Variants in CREBRF observed in about 807,000 individuals in gnomAD.
CREBRF encodes CREB3 regulatory factor.
CREBRF carries 5 observed loss-of-function variants against 66.1 expected under a neutral mutation model. The observed-to-expected ratio is 0.08, with a 90% CI of 0.04 to 0.16. The LOEUF (loss-of-function observed/expected upper bound fraction) is 0.16, where lower values mean the gene tolerates loss of function less well. Ranked by LOEUF, CREBRF falls within the 10% of genes least tolerant of loss-of-function variation. The probability of loss-of-function intolerance (pLI) is 1.00; values close to 1 mark genes in which losing one functional copy is unlikely to be tolerated. For missense variants in CREBRF, 531 were observed against 744.9 expected (o/e 0.71, Z 3.34); for synonymous variants, 229 against 264.4 (o/e 0.87, Z 1.30).
At chr5:173,113,458 G>T (rs559846496) in intron 7 of CREBRF, among the ~76,000 whole-genome samples, 1 of 151,916 alleles carries the variant, frequency 6.6e-6, no homozygotes, top group Non-Finnish European at 1.5e-5. Flanking sequence ...ACAGGCCCAC[G>T]CACCACACCT....
chr5:173,125,037 G>A (rs1759237821), intron 8 of CREBRF, among the ~76,000 whole-genome samples: 1 of 150,754 alleles, frequency 6.6e-6, no homozygotes, highest in South Asian at 2.1e-4. Context: ...TCCTGCCTCA[G>A]CCTCCTGAGT....
rs752020732 is a variant in CREBRF, at chr5:173,067,875, C to A, written c.-192+11396C>A. Among the ~76,000 whole-genome samples, 15 of 152,024 alleles carry A rather than the reference C, an allele frequency of 9.9e-5. 1 individual carries two copies. Among genetic ancestry groups the A allele is most frequent in the African/African-American group, 3.4e-4 (14 of 41,390 alleles). ...ATAAGCCGGGTGTGGTGGCGGGCAC[C>A]TGTAGTCCCAGCTACTCGGGAGGCT... On this transcript the variant is annotated intron_variant, in intron 1 of 8. Coordinates refer to ENST00000296953, the MANE Select transcript of CREBRF (RefSeq NM_153607.3).
At chr5:173,082,654 T>G in intron 2 of CREBRF, among the ~76,000 whole-genome samples, 1 of 150,952 alleles carries the variant, frequency 6.6e-6, no homozygotes, top group Non-Finnish European at 1.5e-5. Flanking sequence ...ATATCTGTAA[T>G]CCCAGAACTT....
chr5:173,133,051 G>A (rs1759512752), intron 8 of CREBRF, among the ~76,000 whole-genome samples: 1 of 152,168 alleles, frequency 6.6e-6, no homozygotes, highest in African/African-American at 2.4e-5. Context: ...TGGAAGATGA[G>A]GAAGATGAGA....
rs533387611 is a variant in CREBRF, at chr5:173,081,649, A to G, written c.9+865A>G. ...TGAAAAGACCAGCGGCCGGCTAGGCACAGTGGCTCACGCCTGTAATCCCAG... is the reference window on the plus strand; with the variant it reads ...TGAAAAGACCAGCGGCCGGCTAGGCGCAGTGGCTCACGCCTGTAATCCCAG... On this transcript the variant is annotated intron_variant, in intron 2 of 8. Coordinates refer to ENST00000296953, the MANE Select transcript of CREBRF (RefSeq NM_153607.3). Among the ~76,000 whole-genome samples, 17 of 152,292 alleles carry G rather than the reference A, an allele frequency of 1.1e-4. No individual in the cohort carries two copies. The East Asian group carries it at 2.3e-3, about 21-fold the overall frequency.
chr5:173,080,031 G>A (rs1757890532), intron 1 of CREBRF, among the ~76,000 whole-genome samples: 1 of 152,162 alleles, frequency 6.6e-6, no homozygotes, highest in Non-Finnish European at 1.5e-5. Flanking sequence ...TTTCTTCAAT[G>A]AGAGCTTATA....
intron 1 of CREBRF, among the ~76,000 whole-genome samples, chr5:173,073,248 T>C (rs138674187): frequency 2.0e-5 from 3 of 152,358 alleles, no homozygotes; most frequent in African/African-American, 7.2e-5. Context: ...GACAAATCTC[T>C]TACCCTTGCT....
chr5:173,063,390 C>T (rs1757337604), intron 1 of CREBRF, among the ~76,000 whole-genome samples: 1 of 152,154 alleles, frequency 6.6e-6, no homozygotes, highest in East Asian at 1.9e-4. Context: ...TTTTTTGAGA[C>T]AGAGTCTCAC....
At position 173,138,735 on chromosome 5, in the gene CREBRF, A is replaced by G. The variant is rs1033073714; in HGVS notation, c.*4990A>G. 1 of 152,162 alleles carries G rather than the reference A, an allele frequency of 6.6e-6. No homozygotes were observed. The highest frequency in any genetic ancestry group is 1.5e-5 in the Non-Finnish European group (1 of 68,032). 9.4% of individuals were successfully genotyped at this position (152,162 alleles called of 1,614,324 possible). ...TTTTTTTCAGAACCAAATAACAGAAATGTGTATGTGTGTACTGTATCTGCC... is the reference window on the plus strand; with the variant it reads ...TTTTTTTCAGAACCAAATAACAGAAGTGTGTATGTGTGTACTGTATCTGCC... On this transcript the variant is annotated 3_prime_UTR_variant, in exon 9 of 9. Coordinates refer to ENST00000296953, the MANE Select transcript of CREBRF (RefSeq NM_153607.3).
At chr5:173,068,224 G>A in intron 1 of CREBRF, 1 of 411,798 alleles carries the variant, frequency 2.4e-6, no homozygotes, top group Non-Finnish European at 4.9e-6. Context: ...AGTGGAACTA[G>A]GTTCAGGTTA....
chr5:173,093,419 A>G (rs946381145), intron 4 of CREBRF, among the ~76,000 whole-genome samples: 8 of 152,248 alleles, frequency 5.3e-5, no homozygotes. Flanking sequence ...TGAAATGATT[A>G]CTAAAATCAG....
chr5:173,113,129 A>T (rs1480543591), intron 7 of CREBRF, among the ~76,000 whole-genome samples: 1 of 152,012 alleles, frequency 6.6e-6, no homozygotes, highest in Non-Finnish European at 1.5e-5. Context: ...GGTATCTGGG[A>T]ATACAGGAGT....
At chr5:173,100,826 C>T (rs1758613287) in intron 4 of CREBRF, among the ~76,000 whole-genome samples, 1 of 152,154 alleles carries the variant, frequency 6.6e-6, no homozygotes, top group Admixed American at 6.6e-5. Flanking sequence ...TGATGAACTC[C>T]CTCAGCTTTT....
intron 1 of CREBRF, among the ~76,000 whole-genome samples, chr5:173,061,799 C>T (rs1423888401): frequency 1.3e-5 from 2 of 152,086 alleles, no homozygotes; most frequent in African/African-American, 2.4e-5. Context: ...AATGTCAAGT[C>T]GTGCTAAGTG....
chr5:173,100,303 A>C (rs1758596389), intron 4 of CREBRF, among the ~76,000 whole-genome samples: 2 of 151,326 alleles, frequency 1.3e-5, no homozygotes, highest in Admixed American at 1.3e-4. Context: ...AGTTATTTTT[A>C]ATGCCTTTTT....
At chr5:173,132,011 T>G (rs1759439720) in intron 8 of CREBRF, among the ~76,000 whole-genome samples, 2 of 151,734 alleles carry the variant, frequency 1.3e-5, no homozygotes, top group South Asian at 4.2e-4. Flanking sequence ...ATGACAGGCC[T>G]GAGCCACCAT....
chr5:173,116,775 G>T (rs1758999661), intron 7 of CREBRF, among the ~76,000 whole-genome samples: 1 of 152,164 alleles, frequency 6.6e-6, no homozygotes, highest in Non-Finnish European at 1.5e-5. Flanking sequence ...TAAGATAAGT[G>T]TATATTTACT....
chr5:173,089,216 A>G (rs1205852419), intron 3 of CREBRF, among the ~76,000 whole-genome samples: 3 of 145,692 alleles, frequency 2.1e-5, no homozygotes, highest in African/African-American at 7.6e-5. Flanking sequence ...ATACACAGAC[A>G]ACACACACAC....
chr5:173,123,231 C>A, intron 8 of CREBRF, 29 bp downstream of exon 8: 1 of 1,578,594 alleles, frequency 6.3e-7, no homozygotes, highest in Admixed American at 2.0e-5. Context: ...AAATTCATAA[C>A]AATTAATAAT....
Sources: gnomAD v4.1 joint callset for allele counts (sites outside exome capture counted in the v4.1 genomes callset) on GRCh38, gnomAD v4.1.1 for gene constraint, MANE v1.5 for transcripts, NCBI Gene and HGNC (gene_info 2026-07-23, HGNC 2026-07-21) for gene names.